Variants in ZCCHC14 observed in about 807,000 individuals in gnomAD.
ZCCHC14 encodes zinc finger CCHC domain-containing protein 14.
A neutral mutation model predicts 85.0 loss-of-function variants in ZCCHC14; 16 were observed. The observed-to-expected ratio is 0.19, with a 90% confidence interval of 0.13 to 0.29. ZCCHC14 has a LOEUF of 0.29. ZCCHC14 is among the 10% of genes least tolerant of loss of function. ZCCHC14 has a pLI of 1.00. For missense variants in ZCCHC14, 1,303 were observed against 1,443.5 expected (o/e 0.90, Z 1.58); for synonymous variants, 775 against 630.7 (o/e 1.23, Z -3.43).
At position 87,491,558 on chromosome 16, in the gene ZCCHC14, G is replaced by A. The variant is rs1325222197; in HGVS notation, c.570+111C>T. 1 of 1,021,648 alleles carries A rather than the reference G, an allele frequency of 9.8e-7. No homozygotes were observed. The highest frequency in any genetic ancestry group is 4.4e-5 in the Admixed American group (1 of 22,796). The allele number at this position is 1,021,648 out of a possible 1,614,324, so 63.3% of individuals were successfully genotyped here. A position where few individuals can be genotyped will look rare whatever the true frequency, so the allele number is the denominator to read the frequency against. On this transcript the variant is annotated intron_variant, in intron 1 of 12. Coordinates refer to ENST00000671377, the MANE Select transcript of ZCCHC14 (RefSeq NM_015144.3). This position sits in a 1 kb window ranked among gnomAD's most constrained non-coding sequence, Gnocchi z 5.9. ...TTGGAGACCTGGGTGGGAGCTCTCA[G>A]TGCAGGCTGGAGGCGTGGGTCGGGG...
At chr16:87,477,031 G>C (rs1052757802) in intron 1 of ZCCHC14, among the ~76,000 whole-genome samples, 8 of 150,402 alleles carry the variant, frequency 5.3e-5, no homozygotes, top group Admixed American at 1.3e-4. Flanking sequence ...AGGCTGAGGC[G>C]GGAGAATTGC....
chr16:87,415,506 G>T, intron 8 of ZCCHC14, 139 bp from the exon 9 acceptor site: 1 of 713,900 alleles, frequency 1.4e-6, no homozygotes, highest in Non-Finnish European at 2.3e-6. Context: ...GCAATTACAA[G>T]CTGGGAAATC....
In ZCCHC14 at chr16:87,406,526, T is replaced by C. The variant is rs542747332; in HGVS notation, c.*3754A>G. On this transcript the variant is annotated 3_prime_UTR_variant, in exon 13 of 13. Coordinates refer to ENST00000671377, the MANE Select transcript of ZCCHC14 (RefSeq NM_015144.3). ...TTCCTTCATTCCTAAAAAGAAAATA[T>C]GTCCAATAGAAGCTGTGAAGGTATC... 6.5e-6 allele frequency: 1 copy of C among 152,684 alleles called. No individual in the cohort carries two copies. The highest frequency in any genetic ancestry group is 2.4e-5 in the African/African-American group (1 of 41,574). 9.5% of individuals were successfully genotyped at this position (152,684 alleles called of 1,614,324 possible). A position where few individuals can be genotyped will look rare whatever the true frequency, so the allele number is the denominator to read the frequency against.
chr16:87,430,899 G>A (rs1909623695), intron 3 of ZCCHC14, among the ~76,000 whole-genome samples: 1 of 152,116 alleles, frequency 6.6e-6, no homozygotes, highest in South Asian at 2.1e-4. Context: ...CAGCACTTTG[G>A]GAGGCTGAGG....
At chr16:87,466,739 T>C (rs1055991727) in intron 1 of ZCCHC14, among the ~76,000 whole-genome samples, 1 of 152,184 alleles carries the variant, frequency 6.6e-6, no homozygotes, top group African/African-American at 2.4e-5. Context: ...AAGTCACAGG[T>C]ACTGTTCGTA....
chr16:87,446,681 T>A (rs1324675831), intron 2 of ZCCHC14, among the ~76,000 whole-genome samples: 1 of 151,760 alleles, frequency 6.6e-6, no homozygotes, highest in Non-Finnish European at 1.5e-5. Flanking sequence ...ATAGCTGAGG[T>A]CAGCAAACTG....
intron 1 of ZCCHC14, among the ~76,000 whole-genome samples, chr16:87,482,771 T>C (rs1396662241): frequency 6.6e-6 from 1 of 152,092 alleles, no homozygotes; most frequent in Non-Finnish European, 1.5e-5. Flanking sequence ...CTGGGACAAA[T>C]GGGCTGTCAT....
chr16:87,462,359 C>T (rs1345162972), intron 1 of ZCCHC14, among the ~76,000 whole-genome samples: 1 of 152,208 alleles, frequency 6.6e-6, no homozygotes, highest in Non-Finnish European at 1.5e-5. Flanking sequence ...AAGTACGATA[C>T]AAATCTTACA....
rs1258596529 is a variant in ZCCHC14 at position 87,451,591 on chromosome 16, G to A, written c.694+8417C>T. Among the ~76,000 whole-genome samples the A allele has an allele frequency of 2.0e-5, 3 of 152,330 alleles. No individual in the cohort carries two copies. The South Asian group carries it at 6.2e-4, about 32-fold the overall frequency. ...ACATATTAAGGTAAACATTCTGCTC[G>A]GCATTAGTACGTTCTAAGCGCAGCG... On this transcript the variant is annotated intron_variant, in intron 2 of 12. Coordinates refer to ENST00000671377, the MANE Select transcript of ZCCHC14 (RefSeq NM_015144.3).
At position 87,407,232 on chromosome 16, in the gene ZCCHC14, G is replaced by A. The variant is rs1908241105; in HGVS notation, c.*3048C>T. 6.6e-6 allele frequency: 1 copy of A among 152,202 alleles called. No individual in the cohort carries two copies. Among genetic ancestry groups the A allele is most frequent in the Admixed American group, 6.5e-5 (1 of 15,284 alleles). 9.4% of individuals were successfully genotyped at this position (152,202 alleles called of 1,614,324 possible). ...GGCAATAAAGGACCTAGAATTCTAA[G>A]TACTGAATTAAAAATACAGAACCTA... On this transcript the variant is annotated 3_prime_UTR_variant, in exon 13 of 13. Transcript: ENST00000671377.
intron 1 of ZCCHC14, among the ~76,000 whole-genome samples, chr16:87,484,798 T>C (rs1050014716): frequency 1.7e-4 from 26 of 152,136 alleles, no homozygotes; most frequent in African/African-American, 5.5e-4. Context: ...TGGGGTTTTG[T>C]TGAAAACACA....
chr16:87,492,359 G>C lies in ZCCHC14; in HGVS notation c.-121C>G. ...GGACGCGCGGGCCGGGGCCGGGTCC[G>C]GGCGAGGGCGCGCGGGCGCCGCGGG... On this transcript the variant is annotated 5_prime_UTR_variant, in exon 1 of 13. Transcript: ENST00000671377. The surrounding 1 kb of genome is among the most constrained non-coding windows in gnomAD (Gnocchi z 6.7). 5.8e-6 allele frequency: 1 copy of C among 172,140 alleles called. No homozygotes were observed. Among genetic ancestry groups the C allele is most frequent in the Non-Finnish European group, 1.1e-5 (1 of 90,518 alleles). 10.7% of individuals were successfully genotyped at this position (172,140 alleles called of 1,614,324 possible).
In ZCCHC14 at chr16:87,412,787, C is replaced by T. The variant is rs760675640; in HGVS notation, c.1934G>A (p.Arg645His). ...LSAASHITPI[R>H]MLNSVHKPER... ...CGGCTTGTGCACGGAATTCAGCATG[C>T]GGATGGGTGTGATGTGTGAGGCTGC... is the stretch of plus-strand genomic sequence containing the variant. The change falls in exon 12 of 13, where the codon CGC (arginine) becomes CAC (histidine). Residue 645 changes from arginine to histidine, a missense_variant. Arg to His is a conservative substitution (Grantham distance 29). Coordinates refer to ENST00000671377, the MANE Select transcript of ZCCHC14 (RefSeq NM_015144.3). 9 of 1,613,396 alleles carry T rather than the reference C, an allele frequency of 5.6e-6. No homozygotes were observed. Among genetic ancestry groups the T allele is most frequent in the South Asian group, 4.4e-5 (4 of 90,992 alleles).
intron 2 of ZCCHC14, among the ~76,000 whole-genome samples, chr16:87,452,021 T>G (rs1326872377): frequency 6.6e-6 from 1 of 152,216 alleles, no homozygotes; most frequent in African/African-American, 2.4e-5. Flanking sequence ...GACTGCAGCG[T>G]TCTTGAGCCA....
rs373457072 is a variant in ZCCHC14 at position 87,465,943 on chromosome 16, C to T, written c.571-5812G>A. Reference sequence around the variant, plus strand: ...AGCTGGGATTACAGGCGTGAGCCACCGAGCCCGGTCTCCGCAACGTCCCTT... The same window carrying T: ...AGCTGGGATTACAGGCGTGAGCCACTGAGCCCGGTCTCCGCAACGTCCCTT... On this transcript the variant is annotated intron_variant, in intron 1 of 12. Coordinates refer to ENST00000671377, the MANE Select transcript of ZCCHC14 (RefSeq NM_015144.3). Among the ~76,000 whole-genome samples the T allele has an allele frequency of 7.9e-5, 12 of 152,210 alleles. No homozygotes were observed. In the East Asian group the frequency reaches 1.9e-3, roughly 24 times the overall value.
chr16:87,420,624 A>T lies in ZCCHC14; in HGVS notation c.933T>A (p.Asp311Glu), dbSNP rs1909045251. 1 of 1,613,422 alleles carries T rather than the reference A, an allele frequency of 6.2e-7. No homozygotes were observed. Among genetic ancestry groups the T allele is most frequent in the Non-Finnish European group, 8.5e-7 (1 of 1,179,770 alleles). The change falls in exon 5 of 13, where the codon GAT becomes GAA. Residue 311 changes from aspartate (D) to glutamate (E), a missense_variant. By Grantham distance (45) the Asp-to-Glu change is conservative. This residue lies in a region of ZCCHC14 where 389 missense variants were observed against 397.8 expected (regional missense o/e 0.98). Coordinates refer to ENST00000671377, the MANE Select transcript of ZCCHC14 (RefSeq NM_015144.3). This position sits in a 1 kb window ranked among gnomAD's most constrained non-coding sequence, Gnocchi z 5.0. ...GGCCTCACCTCAGGCCTGAGTCCAG[A>T]TCCACGTGGTTTCGCTCCACATAAA... ...DAFYVERNHV[D>E]LDSGLRYLAS...
chr16:87,451,426 G>A (rs911967444), intron 2 of ZCCHC14, among the ~76,000 whole-genome samples: 3 of 151,834 alleles, frequency 2.0e-5, no homozygotes, highest in Admixed American at 1.3e-4. Context: ...TCAAACTCCT[G>A]ACCTCAGGTG....
intron 1 of ZCCHC14, among the ~76,000 whole-genome samples, chr16:87,477,836 G>A (rs185577430): frequency 4.8e-5 from 6 of 126,080 alleles, no homozygotes; most frequent in Admixed American, 8.4e-5. Flanking sequence ...TCCACGCATC[G>A]CTCCCGAGTC....
chr16:87,477,670 AG>A (rs1912081711), intron 1 of ZCCHC14, among the ~76,000 whole-genome samples: 2 of 152,320 alleles, frequency 1.3e-5, no homozygotes, highest in Admixed American at 1.3e-4. Flanking sequence ...GGACAAAAAT[AG>A]AACTTGACTC....
Sources: gnomAD v4.1 joint callset for allele counts (sites outside exome capture counted in the v4.1 genomes callset) on GRCh38, gnomAD v4.1.1 for gene constraint, gnomAD v4.1.1 regional missense constraint, Gnocchi (gnomAD v3.1) non-coding constraint, MANE v1.5 for transcripts, NCBI Gene and HGNC (gene_info 2026-07-23, HGNC 2026-07-21) for gene names.